SLC1A3: variants seen among roughly 807,000 people sequenced by gnomAD.
The protein encoded by SLC1A3 is solute carrier family 1 member 3.
A neutral mutation model predicts 48.1 loss-of-function variants in SLC1A3; 21 were observed. That is an observed-to-expected ratio of 0.44 (90% CI 0.31 to 0.63). The LOEUF is 0.63. Ranked by LOEUF, SLC1A3 falls within the 20% of genes least tolerant of loss-of-function variation. The pLI is 0.08. For synonymous variants in SLC1A3, 239 were observed against 251.4 expected, an observed-to-expected ratio of 0.95 and a Z score of 0.47; for missense variants, 546 against 689.0, an observed-to-expected ratio of 0.79 and a Z score of 2.32.
intron 6 of SLC1A3, among the ~76,000 whole-genome samples, chr5:36,678,374 T>C (rs1315897103): frequency 2.0e-5 from 3 of 152,216 alleles, no homozygotes; most frequent in Non-Finnish European, 4.4e-5. Context: ...TATCTTCATA[T>C]TATTAAATGC....
At chr5:36,651,985 C>T (rs902701101) in intron 3 of SLC1A3, among the ~76,000 whole-genome samples, 1 of 152,154 alleles carries the variant, frequency 6.6e-6, no homozygotes, top group Non-Finnish European at 1.5e-5. Flanking sequence ...AAAACCAACA[C>T]CGGACTCTTG....
At chr5:36,663,650 C>T (rs145641659) in intron 3 of SLC1A3, among the ~76,000 whole-genome samples, 67 of 152,272 alleles carry the variant, frequency 4.4e-4, no homozygotes, top group African/African-American at 1.6e-3. Context: ...TGTGCCATCA[C>T]ACGTGGCAAA....
intron 3 of SLC1A3, among the ~76,000 whole-genome samples, chr5:36,658,044 A>G (rs890573437): frequency 6.6e-5 from 10 of 152,370 alleles, no homozygotes; most frequent in African/African-American, 2.4e-4. Context: ...AGGGCAGGCA[A>G]TAAAGACACA....
chr5:36,609,239 G>A, intron 2 of SLC1A3: 2 of 959,472 alleles, frequency 2.1e-6, no homozygotes, highest in Non-Finnish European at 2.5e-6. Flanking sequence ...AATTTAGCAG[G>A]GTTGACAGCA....
At chr5:36,620,166 A>G (rs376411676) in intron 2 of SLC1A3, among the ~76,000 whole-genome samples, 5 of 152,192 alleles carry the variant, frequency 3.3e-5, no homozygotes, top group African/African-American at 9.7e-5. Flanking sequence ...CAATCTTTTC[A>G]TTAATGAGAT....
chr5:36,660,215 G>A (rs975769597), intron 3 of SLC1A3, among the ~76,000 whole-genome samples: 2 of 151,970 alleles, frequency 1.3e-5, no homozygotes, highest in East Asian at 1.9e-4. Context: ...TTACCAACCC[G>A]TCTCATGCAA....
chr5:36,596,757 C>CT (rs1738745609), intron 1 of SLC1A3, among the ~76,000 whole-genome samples: 1 of 152,230 alleles, frequency 6.6e-6, no homozygotes, highest in Non-Finnish European at 1.5e-5. Context: ...TATTCACTCT[C>CT]TTCTACATCT....
intron 3 of SLC1A3, among the ~76,000 whole-genome samples, chr5:36,637,517 T>C (rs1259566160): frequency 1.3e-5 from 2 of 152,122 alleles, no homozygotes; most frequent in Non-Finnish European, 2.9e-5. Context: ...TTTTGAAAAA[T>C]TTAAAGAAAA....
At chr5:36,611,359 G>A in intron 2 of SLC1A3, among the ~76,000 whole-genome samples, 1 of 99,950 alleles carries the variant, frequency 1.0e-5, no homozygotes, top group South Asian at 3.4e-4. Flanking sequence ...TTTTTTTTTT[G>A]CCTTTTTGAA....
chr5:36,651,999 CAG>C (rs1369418901), intron 3 of SLC1A3, among the ~76,000 whole-genome samples: 1 of 152,168 alleles, frequency 6.6e-6, no homozygotes. Context: ...ACTCTTGACT[CAG>C]GGAAATATTG....
chr5:36,668,550 A>G (rs778523943), intron 3 of SLC1A3: 3 of 152,160 alleles, frequency 2.0e-5, no homozygotes, highest in Non-Finnish European at 4.4e-5. Context: ...TGATTAATGA[A>G]TATACCTCCC....
rs193065795 is a variant in SLC1A3, at chr5:36,688,115, T to G, written c.*1846T>G. Reference sequence around the variant, plus strand: ...ATGTTAAAGTACGTGGCTGTCCTCTTAAGACACTAGTAGAGCAAAGACTTA... The same window carrying G: ...ATGTTAAAGTACGTGGCTGTCCTCTGAAGACACTAGTAGAGCAAAGACTTA... On this transcript the variant is annotated 3_prime_UTR_variant, in exon 10 of 10. Coordinates refer to ENST00000265113, the MANE Select transcript of SLC1A3 (RefSeq NM_004172.5). The G allele has an allele frequency of 1.6e-4, 24 of 152,340 alleles. No individual in the cohort carries two copies. The highest frequency in any genetic ancestry group is 5.5e-4 in the African/African-American group (23 of 41,576). The allele number at this position is 152,340 out of a possible 1,614,324, so 9.4% of individuals were successfully genotyped here.
chr5:36,671,668 T>C (rs1742001602), intron 4 of SLC1A3, among the ~76,000 whole-genome samples: 1 of 152,172 alleles, frequency 6.6e-6, no homozygotes, highest in South Asian at 2.1e-4. Context: ...TTATACACAG[T>C]TTGGTTCCAG....
chr5:36,597,384 CAG>C (rs1738756935), intron 1 of SLC1A3, among the ~76,000 whole-genome samples: 1 of 151,500 alleles, frequency 6.6e-6, no homozygotes, highest in South Asian at 2.1e-4. Flanking sequence ...GCAGCTGGGA[CAG>C]GGGCACGCCG....
chr5:36,681,146 C>T (rs1286557156), intron 8 of SLC1A3, among the ~76,000 whole-genome samples: 1 of 152,186 alleles, frequency 6.6e-6, no homozygotes, highest in Non-Finnish European at 1.5e-5. Flanking sequence ...GCTCCACATC[C>T]TTCTGTAAGT....
chr5:36,675,483 T>C (rs576997708), intron 5 of SLC1A3, among the ~76,000 whole-genome samples: 6 of 152,280 alleles, frequency 3.9e-5, no homozygotes, highest in Admixed American at 3.3e-4. Flanking sequence ...TGGATTTGCA[T>C]TCACAGGATT....
intron 6 of SLC1A3, among the ~76,000 whole-genome samples, chr5:36,679,367 T>A (rs1742338956): frequency 6.6e-6 from 1 of 152,078 alleles, no homozygotes; most frequent in Non-Finnish European, 1.5e-5. Context: ...AGAAAAACAT[T>A]GTGTCCTAGA....
chr5:36,599,508 C>CTTT (rs1176214248), intron 1 of SLC1A3, among the ~76,000 whole-genome samples: 4,108 of 78,094 alleles, frequency 0.053, 420 homozygotes, highest in Middle Eastern at 0.1. Flanking sequence ...TACGGTTGAA[C>CTTT]TTTTTTTTTT....
intron 6 of SLC1A3, among the ~76,000 whole-genome samples, chr5:36,679,376 G>C (rs1398874740): frequency 2.0e-5 from 3 of 152,104 alleles, no homozygotes; most frequent in Non-Finnish European, 2.9e-5. Flanking sequence ...TTGTGTCCTA[G>C]AGCAATTCTC....
Sources: gnomAD v4.1 joint callset for allele counts (sites outside exome capture counted in the v4.1 genomes callset) on GRCh38, gnomAD v4.1.1 for gene constraint, MANE v1.5 for transcripts, NCBI Gene and HGNC (gene_info 2026-07-23, HGNC 2026-07-21) for gene names.